The following TSPAN10 variants were observed in gnomAD, a reference collection of about 807,000 sequenced individuals.
TSPAN10 encodes tetraspanin-10.
TSPAN10 carries 11 observed loss-of-function variants against 15.0 expected under a neutral mutation model. That is an observed-to-expected ratio of 0.73 (90% confidence interval 0.46 to 1.21). The LOEUF (loss-of-function observed/expected upper bound fraction) is 1.21, where lower values mean the gene tolerates loss of function less well. Among genes scored for constraint, TSPAN10 ranks in the 50% most tolerant of loss-of-function variants. The probability of loss-of-function intolerance (pLI) is 0.00; values close to 1 mark genes in which losing one functional copy is unlikely to be tolerated. For missense variants in TSPAN10, 486 were observed against 470.6 expected (o/e 1.03, Z -0.30); for synonymous variants, 241 against 226.2 (o/e 1.07, Z -0.59).
At chr17:81,643,880 G>A (rs1031007456) in intron 1 of TSPAN10, among the ~76,000 whole-genome samples, 3 of 151,990 alleles carry the variant, frequency 2.0e-5, no homozygotes, top group South Asian at 2.1e-4. Context: ...GTGCAGTCAC[G>A]CGATCTCTGC....
At chr17:81,645,750 C>T in intron 2 of TSPAN10, 121 bp downstream of exon 3, 2 of 1,272,208 alleles carry the variant, frequency 1.6e-6, no homozygotes, top group East Asian at 2.5e-5. Flanking sequence ...CACATGCATG[C>T]ACACGTATAC....
chr17:81,647,108 T>A (rs78163298), intron 2 of TSPAN10, among the ~76,000 whole-genome samples: 2 of 152,088 alleles, frequency 1.3e-5, no homozygotes, highest in Non-Finnish European at 2.9e-5. Flanking sequence ...AAACTGGCCA[T>A]TGGGACCCAG....
At chr17:81,639,526 C>A (rs2036157713), upstream of TSPAN10, among the ~76,000 whole-genome samples, 1 of 151,898 alleles carries the variant, frequency 6.6e-6, no homozygotes, top group Non-Finnish European at 1.5e-5. Context: ...TCCTAACAGT[C>A]CTGGAAGCTA....
exon 2 of TSPAN10, chr17:81,645,033 C>T: frequency 6.3e-7 from 1 of 1,596,710 alleles, no homozygotes; most frequent in East Asian, 2.2e-5. Context: ...ACAGGCCACC[C>T]ACCTCAGGCT....
chr17:81,639,840 CGT>C (rs2036162487), upstream of TSPAN10, among the ~76,000 whole-genome samples: 1 of 151,892 alleles, frequency 6.6e-6, no homozygotes, highest in Non-Finnish European at 1.5e-5. Context: ...ATTAGCCGGG[CGT>C]GGTGGCGGGT....
intron 2 of TSPAN10, chr17:81,646,705 C>T (rs2036259250): frequency 6.7e-6 from 1 of 148,946 alleles, no homozygotes; most frequent in African/African-American, 2.5e-5. Flanking sequence ...AAGAAAATGA[C>T]TTTTAGGTGA....
At chr17:81,647,219 G>A (rs903268223) in intron 2 of TSPAN10, among the ~76,000 whole-genome samples, 7 of 152,284 alleles carry the variant, frequency 4.6e-5, no homozygotes, top group East Asian at 1.9e-4. Flanking sequence ...CTAGAGTGTC[G>A]TGATGCCACG....
chr17:81,640,965 G>A (rs950604145), upstream of TSPAN10, among the ~76,000 whole-genome samples: 1 of 151,876 alleles, frequency 6.6e-6, no homozygotes, highest in African/African-American at 2.4e-5. Flanking sequence ...TTGAGGTCAG[G>A]AGGTCGAGAC....
exon 2 of TSPAN10, chr17:81,645,438 G>C (rs776281018): frequency 1.2e-6 from 2 of 1,601,058 alleles, no homozygotes; most frequent in Non-Finnish European, 1.7e-6. Context: ...TTGCCTTCCT[G>C]GTGCTTGAGG....
upstream of TSPAN10, among the ~76,000 whole-genome samples, chr17:81,641,739 A>G (rs9906979): frequency 0.5 from 76,323 of 151,658 alleles, 21,098 homozygotes; most frequent in East Asian, 0.99. Flanking sequence ...AGCACAGCAG[A>G]ACCCTGTCTC....
At chr17:81,644,006 ATTT>A (rs1322175344) in intron 1 of TSPAN10, among the ~76,000 whole-genome samples, 3 of 124,128 alleles carry the variant, frequency 2.4e-5, no homozygotes, top group Non-Finnish European at 3.4e-5. Context: ...CGCCCGGCTA[ATTT>A]TTTTTTTTTT....
At chr17:81,648,297 G>T (rs1009041804), downstream of TSPAN10, 2 of 1,206,682 alleles carry the variant, frequency 1.7e-6, no homozygotes, top group Non-Finnish European at 2.1e-6. Flanking sequence ...GGGGCTGAGC[G>T]CACGCCCCGA....
At chr17:81,642,438 T>C in exon 1 of TSPAN10, 2 of 1,611,494 alleles carry the variant, frequency 1.2e-6, no homozygotes, top group Non-Finnish European at 1.7e-6. Flanking sequence ...AGGAGCCCCT[T>C]ACTGTCCCAG....
rs749945715 is a variant in TSPAN10, at chr17:81,645,304, C to T, written c.349C>T (p.Pro117Ser). 1.9e-6 allele frequency: 3 copies of T among 1,541,266 alleles called. No homozygotes were observed. The South Asian group carries it at 3.8e-5, about 20-fold the overall frequency. The change falls in exon 2 of 3, where the codon CCC becomes TCC. Residue 117 changes from proline (P) to serine (S), a missense_variant. Transcript: ENST00000611590. Reference sequence around the variant, plus strand: ...GGGAAGTGATCTGGGGGGGCCCCTGCCCGCAGACCCCATGCTGGGGCTGGC... The same window carrying T: ...GGGAAGTGATCTGGGGGGGCCCCTGTCCGCAGACCCCATGCTGGGGCTGGC...
chr17:81,644,140 C>T (rs1223833168), intron 1 of TSPAN10, among the ~76,000 whole-genome samples: 3 of 151,958 alleles, frequency 2.0e-5, no homozygotes, highest in South Asian at 4.1e-4. Flanking sequence ...TGAGCCACAA[C>T]GTCCAGCCCG....
At position 81,648,063 on chromosome 17, in the gene TSPAN10, C is replaced by A. The variant is rs867175015; in HGVS notation, c.837C>A (p.Cys279Ter). The A allele has an allele frequency of 6.4e-7, 1 of 1,564,908 alleles. No homozygotes were observed. Among genetic ancestry groups the A allele is most frequent in the Non-Finnish European group, 8.6e-7 (1 of 1,161,500 alleles). ...AGAGAGTGGTGTACCTGGAGGGCTG[C>A]GGCCCGCCGCTCCGGCGGTGGCTGC... Residue 279 changes from cysteine (C) to a stop codon, truncating the protein, a stop_gained, in exon 3 of 3, where the codon TGC (cysteine) becomes TGA (stop). Coordinates refer to ENST00000611590, the Ensembl canonical transcript of TSPAN10. LOFTEE classifies it low-confidence loss of function (END_TRUNC).
rs2036187701 is a variant in TSPAN10, at chr17:81,642,449, G to GTGAGT, written c.36+5_36+6insTTGAG. On this transcript the variant is annotated splice_donor_variant, in intron 1 of 2. Transcript: ENST00000611590. LOFTEE classifies it high-confidence loss of function. ...GGAGAGGAGCCCCTTACTGTCCCAG[G>GTGAGT]TGAGCCATGCCAAGTGGCCTTGCCC... The GTGAGT allele has an allele frequency of 6.2e-7, 1 of 1,608,090 alleles. No individual in the cohort carries two copies. The highest frequency in any genetic ancestry group is 1.3e-5 in the African/African-American group (1 of 74,890).
At position 81,646,806 on chromosome 17, in the gene TSPAN10, T is replaced by C. The variant is rs570484104; in HGVS notation, c.675-1095T>C. Among the ~76,000 whole-genome samples, 3 of 152,138 alleles carry C rather than the reference T, an allele frequency of 2.0e-5. No individual in the cohort carries two copies. In the South Asian group the frequency reaches 6.2e-4, roughly 32 times the overall value. Reference sequence around the variant, plus strand: ...GTGCATTTAGGATCCAGTGCAGGATTTTCTTATATTCTGCTCAAGGGTAGC... The same window carrying C: ...GTGCATTTAGGATCCAGTGCAGGATCTTCTTATATTCTGCTCAAGGGTAGC... On this transcript the variant is annotated intron_variant, in intron 2 of 2. Coordinates refer to ENST00000611590, the Ensembl canonical transcript of TSPAN10.
At position 81,644,878 on chromosome 17, in the gene TSPAN10, C is replaced by T. The variant is rs1002575476; in HGVS notation, c.37-114C>T. On this transcript the variant is annotated intron_variant, in intron 1 of 2. Transcript: ENST00000611590. ...GAGCTCCAGTGCTGCCCTCCGCCAT[C>T]CGGCATCCTCCCATCCCTCGAAGGC... 1.0e-5 allele frequency: 15 copies of T among 1,446,764 alleles called. No homozygotes were observed. The Admixed American group carries it at 3.0e-4, about 29-fold the overall frequency. The allele number at this position is 1,446,764 out of a possible 1,614,324, so 89.6% of individuals were successfully genotyped here. A position where few individuals can be genotyped will look rare whatever the true frequency, so the allele number is the denominator to read the frequency against.
Sources: gnomAD v4.1 joint callset for allele counts (sites outside exome capture counted in the v4.1 genomes callset) on GRCh38, gnomAD v4.1.1 for gene constraint, MANE v1.5 for transcripts, NCBI Gene and HGNC (gene_info 2026-07-23, HGNC 2026-07-21) for gene names.